FCHSD2: variants seen among roughly 807,000 people sequenced by gnomAD.
FCHSD2 encodes the protein F-BAR and double SH3 domains protein 2.
In FCHSD2, 38 loss-of-function variants were observed where a neutral mutation model predicts 108.1. That is an observed-to-expected ratio of 0.35 (90% CI 0.27 to 0.46). FCHSD2 has a LOEUF of 0.46. FCHSD2 is among the 20% of genes least tolerant of loss of function. The pLI is 1.00. For missense variants in FCHSD2, 751 were observed against 897.8 expected (o/e 0.84, Z 2.09); for synonymous variants, 279 against 314.7 (o/e 0.89, Z 1.20).
chr11:73,141,736 A>T (rs536091703), intron 1 of FCHSD2, 121 bp downstream of exon 1: 2 of 1,087,556 alleles, frequency 1.8e-6, no homozygotes, highest in Non-Finnish European at 2.6e-6. Context: ...AGTCGGTGAC[A>T]AGCCCAAGAC....
intron 2 of FCHSD2, among the ~76,000 whole-genome samples, chr11:73,138,707 C>A (rs991963693): frequency 2.7e-5 from 4 of 149,504 alleles, no homozygotes; most frequent in Non-Finnish European, 5.9e-5. Flanking sequence ...CTACTAGGTT[C>A]AAGCAATTCT....
In FCHSD2 at chr11:73,008,275, A is replaced by T. The variant is rs537623671; in HGVS notation, c.243-7141T>A. On this transcript the variant is annotated intron_variant, in intron 4 of 19. Coordinates refer to ENST00000409418, the MANE Select transcript of FCHSD2 (RefSeq NM_014824.3). ...AATTGCTTGAACCCAGGAGGCAGAC[A>T]TTGCAGTGGGCCAAGACTGTACCAC... Among the ~76,000 whole-genome samples the T allele has an allele frequency of 2.0e-5, 3 of 152,268 alleles. No individual in the cohort carries two copies. In the East Asian group the frequency reaches 5.8e-4, roughly 29 times the overall value.
At chr11:73,072,303 G>A (rs963210100) in intron 3 of FCHSD2, among the ~76,000 whole-genome samples, 3 of 151,732 alleles carry the variant, frequency 2.0e-5, no homozygotes, top group South Asian at 2.1e-4. Flanking sequence ...ATGTGCTACC[G>A]AATAGCCATG....
chr11:73,009,304 C>T (rs983230352), intron 4 of FCHSD2, among the ~76,000 whole-genome samples: 3 of 152,058 alleles, frequency 2.0e-5, no homozygotes, highest in Non-Finnish European at 4.4e-5. Context: ...TGAGACCAGC[C>T]TGGCCAACAT....
chr11:73,003,073 T>C (rs1212185292), intron 4 of FCHSD2, among the ~76,000 whole-genome samples: 1 of 152,200 alleles, frequency 6.6e-6, no homozygotes, highest in Non-Finnish European at 1.5e-5. Context: ...ATTAAAAAGA[T>C]AGTTTAAAAA....
chr11:72,954,644 A>G (rs1409381611), intron 8 of FCHSD2, among the ~76,000 whole-genome samples: 1 of 152,190 alleles, frequency 6.6e-6, no homozygotes, highest in African/African-American at 2.4e-5. Flanking sequence ...GAAGATCAAA[A>G]GAGTAGCAAG....
At chr11:73,054,322 G>C (rs1858970733) in intron 3 of FCHSD2, among the ~76,000 whole-genome samples, 1 of 151,592 alleles carries the variant, frequency 6.6e-6, no homozygotes, top group Non-Finnish European at 1.5e-5. Context: ...AGTAAGCAAA[G>C]ACAGGACTGC....
chr11:73,030,146 G>A lies in FCHSD2; in HGVS notation c.166-14261C>T. On this transcript the variant is annotated intron_variant, in intron 3 of 19. Transcript: ENST00000409418. ...GTTATAAAACTGCTACATGATAGCA[G>A]TACCCCCACAACCCCACATAACCCA... 1.3e-5 allele frequency among the ~76,000 whole-genome samples: 2 copies of A among 152,090 alleles called. 1 individual carries two copies. The highest frequency in any genetic ancestry group is 2.9e-5 in the Non-Finnish European group (2 of 68,018).
chr11:72,853,285 T>A (rs1591342811), intron 13 of FCHSD2, among the ~76,000 whole-genome samples: 3 of 152,194 alleles, frequency 2.0e-5, no homozygotes, highest in Admixed American at 2.0e-4. Flanking sequence ...AAAAATTGGA[T>A]ACCCATATGC....
At chr11:73,033,314 A>G (rs1291572036) in intron 3 of FCHSD2, among the ~76,000 whole-genome samples, 1 of 151,814 alleles carries the variant, frequency 6.6e-6, no homozygotes, top group Non-Finnish European at 1.5e-5. Context: ...TAGTTAGACT[A>G]CAGTCAGGGA....
chr11:73,039,129 C>T (rs1858569581), intron 3 of FCHSD2, among the ~76,000 whole-genome samples: 1 of 152,156 alleles, frequency 6.6e-6, no homozygotes, highest in South Asian at 2.1e-4. Context: ...TCCGTGTATT[C>T]CAAATCCTAT....
intron 2 of FCHSD2, among the ~76,000 whole-genome samples, chr11:73,084,719 T>A (rs1258034053): frequency 6.6e-6 from 1 of 152,238 alleles, no homozygotes; most frequent in Non-Finnish European, 1.5e-5. Context: ...TGTATTAACA[T>A]TTATGATACT....
intron 3 of FCHSD2, among the ~76,000 whole-genome samples, chr11:73,046,801 T>C (rs1858778292): frequency 6.6e-6 from 1 of 152,140 alleles, no homozygotes; most frequent in African/African-American, 2.4e-5. Context: ...CAGGCTGGTC[T>C]TGAACTCCTG....
At chr11:73,120,343 G>A (rs1860702101) in intron 2 of FCHSD2, among the ~76,000 whole-genome samples, 1 of 152,168 alleles carries the variant, frequency 6.6e-6, no homozygotes, top group African/African-American at 2.4e-5. Flanking sequence ...TAAGAACAAT[G>A]TACATTTTAA....
chr11:73,031,045 C>A (rs1269673589), intron 3 of FCHSD2, among the ~76,000 whole-genome samples: 1 of 151,898 alleles, frequency 6.6e-6, no homozygotes, highest in African/African-American at 2.4e-5. Context: ...AAAGGGAGAT[C>A]CTGCTATTTG....
chr11:73,069,342 A>G (rs867440587), intron 3 of FCHSD2, among the ~76,000 whole-genome samples: 5 of 151,228 alleles, frequency 3.3e-5, no homozygotes, highest in Non-Finnish European at 5.9e-5. Context: ...AGACTACAAA[A>G]TAACTATCCA....
intron 2 of FCHSD2, among the ~76,000 whole-genome samples, chr11:73,135,309 ATTCAC>A (rs1368167154): frequency 6.6e-6 from 1 of 152,200 alleles, no homozygotes; most frequent in Admixed American, 6.5e-5. Context: ...CAACAATATA[ATTCAC>A]TTCATTTCAC....
intron 9 of FCHSD2, among the ~76,000 whole-genome samples, chr11:72,906,004 G>A (rs147638036): frequency 0.012 from 1,787 of 152,280 alleles, 34 homozygotes; most frequent in African/African-American, 0.041. Context: ...GATCCTTGAG[G>A]AGTTGCCACA....
Position 72,838,858 on chromosome 11 carries a change from G to T in FCHSD2, c.2156C>A (p.Pro719His), listed in dbSNP as rs779305377. The T allele has an allele frequency of 1.5e-5, 24 of 1,607,490 alleles. No homozygotes were observed. Among genetic ancestry groups the T allele is most frequent in the Non-Finnish European group, 2.0e-5 (24 of 1,177,840 alleles). The change falls in exon 20 of 20, where the codon CCT (proline) becomes CAT (histidine). Residue 719 changes from proline (P) to histidine (H), a missense_variant. Physicochemically the swap from Pro to His is moderately conservative, Grantham distance 77 (BLOSUM62 -2). Coordinates refer to ENST00000409418, the MANE Select transcript of FCHSD2 (RefSeq NM_014824.3). Reference protein sequence around the residue: ...GKLRPVRAAPPPPTQNHRRPA... With the variant: ...GKLRPVRAAPHPPTQNHRRPA... ...CCTTCGGTGATTCTGTGTAGGTGGAGGGGGAGCTGCCCGGACCTGAGCAGG... is the reference window on the plus strand; with the variant it reads ...CCTTCGGTGATTCTGTGTAGGTGGATGGGGAGCTGCCCGGACCTGAGCAGG...
Sources: allele counts gnomAD v4.1 joint callset (sites outside exome capture counted in the v4.1 genomes callset), GRCh38; gene constraint gnomAD v4.1.1; transcripts MANE v1.5; gene names NCBI Gene and HGNC (gene_info 2026-07-23, HGNC 2026-07-21).